The following SBNO1 variants were observed in gnomAD, a reference collection of about 807,000 sequenced individuals.
The protein encoded by SBNO1 is strawberry notch homolog 1.
SBNO1 carries 23 observed loss-of-function variants against 173.6 expected under a neutral mutation model. The ratio of observed to expected loss-of-function variants is 0.13; its 90% CI spans 0.10 to 0.19. The LOEUF is 0.19. SBNO1 is among the 10% of genes least tolerant of loss of function. SBNO1 has a pLI of 1.00. For synonymous variants in SBNO1, 632 were observed against 571.5 expected (o/e 1.11, Z -1.51); for missense variants, 1,238 against 1,671.2 (o/e 0.74, Z 4.52).
chr12:123,315,774 TA>T, intron 21 of SBNO1, 114 bp from the exon 22 acceptor site: 1 of 628,358 alleles, frequency 1.6e-6, no homozygotes, highest in African/African-American at 1.8e-5. Flanking sequence ...CACTAAACAA[TA>T]AAAATTACAG....
intron 28 of SBNO1, among the ~76,000 whole-genome samples, chr12:123,306,654 G>A (rs73421389): frequency 0.021 from 3,255 of 152,160 alleles, 110 homozygotes; most frequent in African/African-American, 0.073. Flanking sequence ...GGAGGAGTTC[G>A]AGACTGTCCT....
intron 1 of SBNO1, among the ~76,000 whole-genome samples, chr12:123,362,591 C>T (rs370863372): frequency 4.6e-5 from 7 of 150,846 alleles, no homozygotes; most frequent in Admixed American, 2.0e-4. Context: ...CATGGTGAAA[C>T]CCCTTTCTGC....
intron 1 of SBNO1, among the ~76,000 whole-genome samples, chr12:123,352,770 G>A (rs541997429): frequency 6.6e-6 from 1 of 152,316 alleles, no homozygotes; most frequent in South Asian, 2.1e-4. Flanking sequence ...AGACCACTGT[G>A]TAGAAGAGTG....
chr12:123,359,339 G>A (rs1208860483), intron 1 of SBNO1, among the ~76,000 whole-genome samples: 1 of 151,752 alleles, frequency 6.6e-6, no homozygotes. Flanking sequence ...GAAGCCAGGA[G>A]TTCGAGACCA....
intron 16 of SBNO1, among the ~76,000 whole-genome samples, chr12:123,322,321 T>C (rs1232528556): frequency 6.6e-6 from 1 of 151,392 alleles, no homozygotes; most frequent in Non-Finnish European, 1.5e-5. Context: ...CCCCAGACAG[T>C]GTCTACTCTG....
rs564483856 is a variant in SBNO1, at chr12:123,309,041, G to C, written c.3630+269C>G. Among the ~76,000 whole-genome samples the C allele has an allele frequency of 2.0e-5, 3 of 152,154 alleles. No homozygotes were observed. In the East Asian group the frequency reaches 5.8e-4, roughly 29 times the overall value. Reference sequence around the variant, plus strand: ...GCTGAGATCGTGCCATTGCACTCCAGCCTGGGCAACAAAGAGCGAAACTCT... The same window carrying C: ...GCTGAGATCGTGCCATTGCACTCCACCCTGGGCAACAAAGAGCGAAACTCT... On this transcript the variant is annotated intron_variant, in intron 28 of 31. Transcript: ENST00000602398.
chr12:123,352,009 C>T (rs1394316947), intron 1 of SBNO1, among the ~76,000 whole-genome samples: 2 of 152,068 alleles, frequency 1.3e-5, no homozygotes, highest in African/African-American at 4.8e-5. Context: ...AGCAAGTAGA[C>T]AGATTTTAGT....
rs754764439 is a variant in SBNO1 at position 123,291,889 on chromosome 12, G to A, written c.*4019C>T. 6.6e-6 allele frequency: 1 copy of A among 151,900 alleles called. No homozygotes were observed. The highest frequency in any genetic ancestry group is 1.5e-5 in the Non-Finnish European group (1 of 67,990). 9.4% of individuals were successfully genotyped at this position (151,900 alleles called of 1,614,324 possible). On this transcript the variant is annotated 3_prime_UTR_variant, in exon 32 of 32. Coordinates refer to ENST00000602398, the MANE Select transcript of SBNO1 (RefSeq NM_001167856.3). ...TATATAAATACAGCACAAAATTAGA[G>A]GGTGGGTTTTGGATTTTATCTCAAG... is the stretch of plus-strand genomic sequence containing the variant.
At chr12:123,311,309 TAAG>T (rs1018651349) in intron 24 of SBNO1, among the ~76,000 whole-genome samples, 180 bp from the exon 25 acceptor site, 2 of 152,224 alleles carry the variant, frequency 1.3e-5, no homozygotes, top group African/African-American at 4.8e-5. Context: ...ATCTGTGACC[TAAG>T]AAGGTGAGAA....
chr12:123,332,495 T>G (rs925901556), intron 7 of SBNO1, among the ~76,000 whole-genome samples: 3 of 152,110 alleles, frequency 2.0e-5, no homozygotes, highest in African/African-American at 7.2e-5. Flanking sequence ...TTTCACCATG[T>G]TGGCCAGGCT....
chr12:123,322,998 A>G (rs11057266), intron 16 of SBNO1, among the ~76,000 whole-genome samples: 9,567 of 152,268 alleles, frequency 0.063, 334 homozygotes, highest in South Asian at 0.11. Flanking sequence ...TTTAGTTCCC[A>G]TGCATCATTA....
chr12:123,330,429 G>A lies in SBNO1; in HGVS notation c.1124C>T (p.Ser375Leu), dbSNP rs147276203. ...DIGAKNILVH[S>L]LNKFKYGKIS... ...AAAAAGATTTCATACCTTATTTAAC[G>A]AATGAACCAAAATGTTTTTTGCTCC... Residue 375 changes from serine to leucine, a missense_variant, in exon 9 of 32, where the codon TCG (serine) becomes TTG (leucine). Physicochemically the swap from Ser to Leu is moderately radical, Grantham distance 145 (BLOSUM62 -2). Around this residue, in one of 14 missense-constraint regions of SBNO1, gnomAD observed 56 missense variants for 65.1 expected, o/e 0.86. Coordinates refer to ENST00000602398, the MANE Select transcript of SBNO1 (RefSeq NM_001167856.3). 1.3e-5 allele frequency: 21 copies of A among 1,573,762 alleles called. No homozygotes were observed. Among genetic ancestry groups the A allele is most frequent in the African/African-American group, 5.4e-5 (4 of 73,930 alleles).
chr12:123,361,901 G>C (rs1296978600), intron 1 of SBNO1, among the ~76,000 whole-genome samples: 8 of 152,022 alleles, frequency 5.3e-5, no homozygotes, highest in Non-Finnish European at 1.2e-4. Flanking sequence ...AGCACTTTGG[G>C]AGGCCGAGGC....
chr12:123,307,020 T>TAAAAAAAAAAAAAAAAAAAA (rs34105162), intron 28 of SBNO1, among the ~76,000 whole-genome samples: 1 of 64,432 alleles, frequency 1.6e-5, no homozygotes, highest in Non-Finnish European at 2.7e-5. Context: ...TCAACTGCAT[T>TAAAAAAAAAAAAAAAAAAAA]AAAAAAAAAA....
In SBNO1 at chr12:123,364,791, G is replaced by C. The variant is rs1593438996; in HGVS notation, c.-91C>G. 3 of 987,614 alleles carry C rather than the reference G, an allele frequency of 3.0e-6. No homozygotes were observed. The highest frequency in any genetic ancestry group is 3.6e-6 in the Non-Finnish European group (3 of 831,874). 61.2% of individuals were successfully genotyped at this position (987,614 alleles called of 1,614,324 possible). A position where few individuals can be genotyped will look rare whatever the true frequency, so the allele number is the denominator to read the frequency against. On this transcript the variant is annotated 5_prime_UTR_variant, in exon 1 of 32. Transcript: ENST00000602398. ...CGACTGGAGCGGAGGCGGCGGTGGCGGCGGCAGCAGCGGCGTCCTGCTCTG... is the reference window on the plus strand; with the variant it reads ...CGACTGGAGCGGAGGCGGCGGTGGCCGCGGCAGCAGCGGCGTCCTGCTCTG...
intron 5 of SBNO1, among the ~76,000 whole-genome samples, chr12:123,337,383 A>T (rs559244666): frequency 6.6e-6 from 1 of 152,348 alleles, no homozygotes; most frequent in African/African-American, 2.4e-5. Flanking sequence ...GAATATAAAG[A>T]AACTGTTGTG....
At position 123,309,873 on chromosome 12, in the gene SBNO1, T is replaced by C; in HGVS notation, c.3296-17A>G. 6.4e-7 allele frequency: 1 copy of C among 1,551,050 alleles called. No individual in the cohort carries two copies. The highest frequency in any genetic ancestry group is 8.7e-7 in the Non-Finnish European group (1 of 1,145,796). On this transcript the variant is annotated splice_polypyrimidine_tract_variant and intron_variant, in intron 25 of 31. Transcript: ENST00000602398. ...TGTTATAATCTGTAATGACAAAAGATAAACGTTTTCATGCAAATGATAATT... is the reference window on the plus strand; with the variant it reads ...TGTTATAATCTGTAATGACAAAAGACAAACGTTTTCATGCAAATGATAATT...
rs2048559869 is a variant in SBNO1 at position 123,294,634 on chromosome 12, C to CATAAAAAAAAAAAAAAA, written c.*1273_*1274insTTTTTTTTTTTTTTTAT. On this transcript the variant is annotated 3_prime_UTR_variant, in exon 32 of 32. Coordinates refer to ENST00000602398, the MANE Select transcript of SBNO1 (RefSeq NM_001167856.3). ...TTTTCAATAGTGCAACCTGTGGAAG[C>CATAAAAAAAAAAAAAAA]AAAAAAAAAAAAAAAAAAAAAAAAA... 1 of 59,958 alleles carries CATAAAAAAAAAAAAAAA rather than the reference C, an allele frequency of 1.7e-5. No individual in the cohort carries two copies. Among genetic ancestry groups the CATAAAAAAAAAAAAAAA allele is most frequent in the Non-Finnish European group, 2.7e-5 (1 of 36,860 alleles). The allele number at this position is 59,958 out of a possible 1,614,324, so 3.7% of individuals were successfully genotyped here.
intron 5 of SBNO1, among the ~76,000 whole-genome samples, chr12:123,336,770 A>G (rs1871896569): frequency 6.6e-6 from 1 of 152,112 alleles, no homozygotes; most frequent in South Asian, 2.1e-4. Flanking sequence ...TTTCCCCTTC[A>G]ATACTGCCTA....
Sources: allele counts gnomAD v4.1 joint callset (sites outside exome capture counted in the v4.1 genomes callset), GRCh38; gene constraint gnomAD v4.1.1; regional missense constraint gnomAD v4.1.1; transcripts MANE v1.5; gene names NCBI Gene and HGNC (gene_info 2026-07-23, HGNC 2026-07-21).